PTPRR: variants seen among roughly 807,000 people sequenced by gnomAD.
PTPRR encodes protein tyrosine phosphatase receptor type R, also known as receptor-type tyrosine-protein phosphatase R.
In PTPRR, 38 loss-of-function variants were observed where a neutral mutation model predicts 77.2. That is an observed-to-expected ratio of 0.49 (90% CI 0.38 to 0.65). The LOEUF is 0.65. Ranked by LOEUF, PTPRR falls within the 30% of genes least tolerant of loss-of-function variation. The pLI, the probability that PTPRR is intolerant of heterozygous loss-of-function variation, is 0.00. For missense variants in PTPRR, 744 were observed against 799.2 expected (o/e 0.93, Z 0.83); for synonymous variants, 299 against 283.1 (o/e 1.06, Z -0.57).
intron 13 of PTPRR, among the ~76,000 whole-genome samples, chr12:70,652,573 T>C (rs535408617): frequency 5.3e-5 from 8 of 152,310 alleles, no homozygotes; most frequent in African/African-American, 1.9e-4. Context: ...GATGCATATA[T>C]TGGCAGTCAT....
chr12:70,879,566 A>T (rs1184106967), intron 2 of PTPRR, among the ~76,000 whole-genome samples: 2 of 152,222 alleles, frequency 1.3e-5, no homozygotes, highest in African/African-American at 2.4e-5. Context: ...TTGGTCCCCA[A>T]CATTAAGATT....
Position 70,808,590 on chromosome 12 carries a change from T to C in PTPRR, c.358-43812A>G, listed in dbSNP as rs1237524953. On this transcript the variant is annotated intron_variant, in intron 2 of 13. Coordinates refer to ENST00000283228, the MANE Select transcript of PTPRR (RefSeq NM_002849.4). ...TAGGGCAAATAGGAAAGGACTCACG[T>C]TGAATTATCGGAGGCAGTTTCCCCT... Among the ~76,000 whole-genome samples, 8 of 152,228 alleles carry C rather than the reference T, an allele frequency of 5.3e-5. No homozygotes were observed. The East Asian group carries it at 5.8e-4, about 11-fold the overall frequency.
chr12:70,868,232 C>T (rs1407585155), intron 2 of PTPRR, among the ~76,000 whole-genome samples: 7 of 151,968 alleles, frequency 4.6e-5, no homozygotes, highest in Admixed American at 1.3e-4. Flanking sequence ...AAAGAAACTA[C>T]CATCAGAGTG....
At chr12:70,720,663 TA>T (rs1305865594) in intron 6 of PTPRR, among the ~76,000 whole-genome samples, 2 of 151,982 alleles carry the variant, frequency 1.3e-5, no homozygotes, top group East Asian at 3.9e-4. Flanking sequence ...TTTGTATTTT[TA>T]GTAGAGACAG....
chr12:70,702,857 TTC>T (rs1888480943), intron 6 of PTPRR, among the ~76,000 whole-genome samples: 1 of 152,162 alleles, frequency 6.6e-6, no homozygotes, highest in Non-Finnish European at 1.5e-5. Context: ...TTGATTTTTT[TTC>T]GAGATAAACA....
chr12:70,750,906 C>A (rs1230597805), intron 5 of PTPRR, among the ~76,000 whole-genome samples: 1 of 141,166 alleles, frequency 7.1e-6, no homozygotes, highest in Non-Finnish European at 1.5e-5. Context: ...TTTTTAAACC[C>A]TTTTTTTTTT....
intron 2 of PTPRR, among the ~76,000 whole-genome samples, chr12:70,862,520 C>T (rs932202737): frequency 3.5e-4 from 50 of 140,868 alleles, no homozygotes; most frequent in African/African-American, 1.3e-3. Context: ...TATTCTCACT[C>T]ATAGGTGGGA....
At chr12:70,669,893 A>G (rs1423460127) in intron 10 of PTPRR, among the ~76,000 whole-genome samples, 1 of 152,132 alleles carries the variant, frequency 6.6e-6, no homozygotes, top group Non-Finnish European at 1.5e-5. Context: ...CATCTTTTAA[A>G]TGTCTCCCCC....
chr12:70,693,052 A>T (rs1373119971), intron 8 of PTPRR, among the ~76,000 whole-genome samples: 1 of 152,182 alleles, frequency 6.6e-6, no homozygotes, highest in Admixed American at 6.5e-5. Context: ...CAAAGAGGAC[A>T]AGAAATCTTT....
intron 10 of PTPRR, among the ~76,000 whole-genome samples, chr12:70,673,180 C>T (rs1451698300): frequency 6.6e-6 from 1 of 152,118 alleles, no homozygotes; most frequent in Non-Finnish European, 1.5e-5. Flanking sequence ...CTCACATCAT[C>T]CCTATTGGAT....
At chr12:70,657,618 T>A (rs1237387448) in intron 12 of PTPRR, among the ~76,000 whole-genome samples, 2 of 152,208 alleles carry the variant, frequency 1.3e-5, no homozygotes, top group Non-Finnish European at 2.9e-5. Flanking sequence ...AGATTGTCAT[T>A]CCATCTCCTC....
rs1886780318 is a variant in PTPRR at position 70,661,019 on chromosome 12, G to T, written c.1687C>A (p.Pro563Thr). The change falls in exon 12 of 14, where the codon CCC becomes ACC. Residue 563 changes from proline to threonine, a missense_variant. Coordinates refer to ENST00000283228, the MANE Select transcript of PTPRR (RefSeq NM_002849.4). ...ACATCCAGCATGAGCTGTAGGAGGG[G>T]CTGGGCACTGTCTGGAGTCTTGTGA... ...PDHKTPDSAQ[P>T]LLQLMLDVEE... is the part of the protein sequence containing the mutation. 6.2e-7 allele frequency: 1 copy of T among 1,613,686 alleles called. No individual in the cohort carries two copies. Among genetic ancestry groups the T allele is most frequent in the Non-Finnish European group, 8.5e-7 (1 of 1,179,854 alleles).
chr12:70,765,296 C>G (rs942979608), intron 2 of PTPRR, among the ~76,000 whole-genome samples: 1 of 152,200 alleles, frequency 6.6e-6, no homozygotes, highest in African/African-American at 2.4e-5. Context: ...AAAATCGGGT[C>G]ACTCCCACCC....
At chr12:70,835,863 C>T (rs1892293416) in intron 2 of PTPRR, among the ~76,000 whole-genome samples, 2 of 151,896 alleles carry the variant, frequency 1.3e-5, no homozygotes, top group African/African-American at 2.4e-5. Flanking sequence ...TTTTACTCTC[C>T]CCAGTACACT....
At chr12:70,752,269 C>T (rs1890425278) in intron 5 of PTPRR, among the ~76,000 whole-genome samples, 1 of 152,138 alleles carries the variant, frequency 6.6e-6, no homozygotes, top group African/African-American at 2.4e-5. Flanking sequence ...TAGATGAATC[C>T]ACCTGCTAAC....
chr12:70,706,842 T>C (rs1206174789), intron 6 of PTPRR, among the ~76,000 whole-genome samples: 2 of 152,042 alleles, frequency 1.3e-5, no homozygotes, highest in African/African-American at 4.8e-5. Flanking sequence ...AATCTGCAAA[T>C]GGGAATAATA....
intron 13 of PTPRR, among the ~76,000 whole-genome samples, chr12:70,644,799 A>T (rs1474895834): frequency 6.6e-6 from 1 of 152,224 alleles, no homozygotes; most frequent in African/African-American, 2.4e-5. Context: ...TTGCCCATTA[A>T]GTTCCAAATA....
intron 2 of PTPRR, among the ~76,000 whole-genome samples, chr12:70,814,913 T>A (rs546140923): frequency 1.3e-5 from 2 of 152,002 alleles, no homozygotes; most frequent in South Asian, 2.1e-4. Flanking sequence ...AAGGTACAAT[T>A]CCCAATGTTT....
At chr12:70,685,403 G>T (rs2136737616) in intron 8 of PTPRR, among the ~76,000 whole-genome samples, 1 of 148,948 alleles carries the variant, frequency 6.7e-6, no homozygotes, top group Admixed American at 6.9e-5. Flanking sequence ...TCAGCACTTT[G>T]GGAGGCTGAG....
Sources: gnomAD v4.1 joint callset for allele counts (sites outside exome capture counted in the v4.1 genomes callset) on GRCh38, gnomAD v4.1.1 for gene constraint, MANE v1.5 for transcripts, NCBI Gene and HGNC (gene_info 2026-07-23, HGNC 2026-07-21) for gene names.